UBE2Q2: variants seen among roughly 807,000 people sequenced by gnomAD.
The protein encoded by UBE2Q2 is ubiquitin conjugating enzyme E2 Q2, also known as ubiquitin-conjugating enzyme E2 Q2.
In UBE2Q2, 54 loss-of-function variants were observed where a neutral mutation model predicts 59.9. The ratio of observed to expected loss-of-function variants is 0.90; its 90% CI spans 0.72 to 1.13. The LOEUF is 1.13. UBE2Q2 is among the 50% of genes most tolerant of loss of function. The pLI, the probability that UBE2Q2 is intolerant of heterozygous loss-of-function variation, is 0.00. For missense variants in UBE2Q2, 433 were observed against 441.9 expected (o/e 0.98, Z 0.18); for synonymous variants, 165 against 155.2 (o/e 1.06, Z -0.47).
intron 4 of UBE2Q2, among the ~76,000 whole-genome samples, chr15:75,872,382 G>A (rs1897843339): frequency 6.6e-6 from 1 of 151,486 alleles, no homozygotes; most frequent in Non-Finnish European, 1.5e-5. Flanking sequence ...GGCAATTGAA[G>A]TAGAGAAATA....
intron 11 of UBE2Q2, among the ~76,000 whole-genome samples, chr15:75,896,223 A>AG (rs1899414459): frequency 6.6e-6 from 1 of 152,170 alleles, no homozygotes; most frequent in South Asian, 2.1e-4. Context: ...GTGTGGAGGA[A>AG]GGGGGATGAA....
intron 12 of UBE2Q2, 27 bp downstream of exon 12, chr15:75,897,088 T>A: frequency 7.0e-7 from 1 of 1,428,494 alleles, no homozygotes; most frequent in Non-Finnish European, 9.5e-7. Flanking sequence ...AAGTGTTTAT[T>A]GCCATTTAAG....
chr15:75,866,758 G>T (rs867052698), intron 3 of UBE2Q2, among the ~76,000 whole-genome samples: 1 of 152,058 alleles, frequency 6.6e-6, no homozygotes, highest in Non-Finnish European at 1.5e-5. Flanking sequence ...TCTACAAGTG[G>T]TTTTTTGGGG....
Position 75,843,595 on chromosome 15 carries a change from C to T in UBE2Q2, c.-72C>T. On this transcript the variant is annotated 5_prime_UTR_variant, in exon 1 of 13. Transcript: ENST00000267938. ...CGCGGGGCGGTCGCGGCCGTGACGG[C>T]GGCTCCGGGCCCGGCTCCCCTTCCG... The T allele has an allele frequency of 2.2e-6, 3 of 1,365,628 alleles. No individual in the cohort carries two copies. The highest frequency in any genetic ancestry group is 1.4e-5 in the South Asian group (1 of 73,026). 84.6% of individuals were successfully genotyped at this position (1,365,628 alleles called of 1,614,324 possible).
At chr15:75,875,405 A>G (rs1009680112) in intron 5 of UBE2Q2, among the ~76,000 whole-genome samples, 3 of 152,182 alleles carry the variant, frequency 2.0e-5, no homozygotes, top group African/African-American at 7.2e-5. Flanking sequence ...ATGTGTTTTC[A>G]TCTTTAGAGA....
chr15:75,874,804 C>A (rs1211253398), intron 5 of UBE2Q2, among the ~76,000 whole-genome samples: 2 of 152,136 alleles, frequency 1.3e-5, no homozygotes, highest in Admixed American at 6.5e-5. Flanking sequence ...TGAACACTTA[C>A]TACTTTTTGC....
At chr15:75,844,532 CT>C (rs1896222106) in intron 1 of UBE2Q2, 5 of 1,540,086 alleles carry the variant, frequency 3.2e-6, no homozygotes, top group Non-Finnish European at 4.4e-6. Context: ...GTGTGTAAGC[CT>C]CGAAAATGGA....
At chr15:75,852,495 T>G (rs1331305302) in intron 1 of UBE2Q2, among the ~76,000 whole-genome samples, 6 of 152,206 alleles carry the variant, frequency 3.9e-5, no homozygotes, top group African/African-American at 1.2e-4. Flanking sequence ...AGTTAATTGT[T>G]TTTGTAATTT....
At chr15:75,867,597 G>A (rs1245296547) in intron 3 of UBE2Q2, among the ~76,000 whole-genome samples, 1 of 152,104 alleles carries the variant, frequency 6.6e-6, no homozygotes, top group Admixed American at 6.5e-5. Context: ...GGTTTCCCAC[G>A]ATTAACTCAC....
At chr15:75,844,404 CTG>C in intron 1 of UBE2Q2, 1 of 1,551,554 alleles carries the variant, frequency 6.4e-7, no homozygotes, top group East Asian at 2.4e-5. Context: ...GACTCTGGTG[CTG>C]TTTGAGCGAC....
chr15:75,880,465 T>C (rs776018151), intron 8 of UBE2Q2, among the ~76,000 whole-genome samples: 10 of 150,454 alleles, frequency 6.6e-5, no homozygotes, highest in Non-Finnish European at 1.5e-5. Flanking sequence ...AGCAATGGAA[T>C]CTAGAAAAAA....
At chr15:75,878,116 C>T in intron 7 of UBE2Q2, 95 bp downstream of exon 7, 2 of 1,020,318 alleles carry the variant, frequency 2.0e-6, no homozygotes, top group Non-Finnish European at 1.4e-6. Context: ...TATACTATGG[C>T]TTTTACTTAG....
chr15:75,868,104 C>T (rs1337981300), intron 3 of UBE2Q2, among the ~76,000 whole-genome samples: 1 of 152,086 alleles, frequency 6.6e-6, no homozygotes, highest in Non-Finnish European at 1.5e-5. Context: ...AGAATTATTC[C>T]ATCAGAGTGT....
intron 3 of UBE2Q2, among the ~76,000 whole-genome samples, chr15:75,868,633 ATAAG>A (rs1198774386): frequency 6.6e-6 from 1 of 152,226 alleles, no homozygotes; most frequent in Non-Finnish European, 1.5e-5. Flanking sequence ...ATATAGCCAT[ATAAG>A]TAAAATGTTT....
intron 3 of UBE2Q2, among the ~76,000 whole-genome samples, chr15:75,864,555 A>G (rs1439087932): frequency 6.8e-6 from 1 of 147,556 alleles, no homozygotes; most frequent in East Asian, 2.0e-4. Context: ...TCCTTTTTCT[A>G]TGTATCGGTC....
At chr15:75,869,547 T>C (rs1456371402) in intron 4 of UBE2Q2, among the ~76,000 whole-genome samples, 1 of 152,206 alleles carries the variant, frequency 6.6e-6, no homozygotes, top group African/African-American at 2.4e-5. Context: ...AAGATCAAGA[T>C]ACCAACATTG....
chr15:75,884,497 T>C (rs2141652016), intron 9 of UBE2Q2, among the ~76,000 whole-genome samples: 1 of 152,300 alleles, frequency 6.6e-6, no homozygotes, highest in African/African-American at 2.4e-5. Flanking sequence ...ATACTAACTT[T>C]GGTGTTGATA....
chr15:75,885,233 G>A (rs1414584810), intron 9 of UBE2Q2, among the ~76,000 whole-genome samples: 1 of 151,938 alleles, frequency 6.6e-6, no homozygotes, highest in South Asian at 2.1e-4. Context: ...CAATTCTCCT[G>A]CCTTAGCCTC....
intron 12 of UBE2Q2, among the ~76,000 whole-genome samples, chr15:75,898,026 T>C (rs912361873): frequency 6.6e-6 from 1 of 152,160 alleles, no homozygotes; most frequent in African/African-American, 2.4e-5. Flanking sequence ...CAGGTTTTCA[T>C]AATAATAATT....
Sources: gnomAD v4.1 joint callset for allele counts (sites outside exome capture counted in the v4.1 genomes callset) on GRCh38, gnomAD v4.1.1 for gene constraint, MANE v1.5 for transcripts, NCBI Gene and HGNC (gene_info 2026-07-23, HGNC 2026-07-21) for gene names.